Variants in PCDHGA1 observed in about 807,000 individuals in gnomAD.
PCDHGA1 encodes the protein protocadherin gamma subfamily A, 1, also known as protocadherin gamma-A1.
In PCDHGA1, 32 loss-of-function variants were observed where a neutral mutation model predicts 58.0. The observed-to-expected ratio is 0.55, with a 90% CI of 0.42 to 0.74. The LOEUF (loss-of-function observed/expected upper bound fraction) is 0.74. PCDHGA1 is among the 30% of genes least tolerant of loss of function. The probability of loss-of-function intolerance (pLI) is 0.00; values close to 1 mark genes in which losing one functional copy is unlikely to be tolerated. For synonymous variants in PCDHGA1, 498 were observed against 501.1 expected (o/e 0.99, Z 0.08); for missense variants, 1,205 against 1,182.3 (o/e 1.02, Z -0.28).
intron 1 of PCDHGA1, chr5:141,370,538 G>A: frequency 3.1e-6 from 5 of 1,613,906 alleles, no homozygotes; most frequent in Non-Finnish European, 4.2e-6. Context: ...CGCTGGTAGG[G>A]AACCTCGCCA....
At chr5:141,381,785 G>A (rs1349926565) in intron 1 of PCDHGA1, among the ~76,000 whole-genome samples, 1 of 149,782 alleles carries the variant, frequency 6.7e-6, no homozygotes, top group Non-Finnish European at 1.5e-5. Context: ...CAGGAACAAG[G>A]CAAGGCAATT....
chr5:141,403,210 C>T lies in PCDHGA1; in HGVS notation c.2421+70105C>T, dbSNP rs369033480. 123 of 1,613,946 alleles carry T rather than the reference C, an allele frequency of 7.6e-5. No homozygotes were observed. In the Middle Eastern group the frequency reaches 1.2e-3, roughly 15 times the overall value. On this transcript the variant is annotated intron_variant, in intron 1 of 3. Coordinates refer to ENST00000517417, the MANE Select transcript of PCDHGA1 (RefSeq NM_018912.3). Reference sequence around the variant, plus strand: ...ACCCGCGCAGCGGCACCTTGGTCACCGCGGGTAGGATAGACCGGGAGGAGC... The same window carrying T: ...ACCCGCGCAGCGGCACCTTGGTCACTGCGGGTAGGATAGACCGGGAGGAGC...
At chr5:141,416,982 T>C (rs191309825) in intron 1 of PCDHGA1, 25 of 152,264 alleles carry the variant, frequency 1.6e-4, no homozygotes, top group African/African-American at 5.5e-4. Context: ...GAGTCAAAAT[T>C]ATTGTGCATT....
chr5:141,358,113 C>A (rs1434059744), intron 1 of PCDHGA1, among the ~76,000 whole-genome samples: 1 of 152,208 alleles, frequency 6.6e-6, no homozygotes, highest in African/African-American at 2.4e-5. Flanking sequence ...TTGCTTGAAC[C>A]TGGGAGGCAG....
rs766460257 is a variant in PCDHGA1, at chr5:141,398,407, G to A, written c.2421+65302G>A. 4.0e-5 allele frequency: 59 copies of A among 1,474,004 alleles called. No homozygotes were observed. The Middle Eastern group carries it at 1.0e-3, about 26-fold the overall frequency. 91.3% of individuals were successfully genotyped at this position (1,474,004 alleles called of 1,614,324 possible). A position where few individuals can be genotyped will look rare whatever the true frequency, so the allele number is the denominator to read the frequency against. On this transcript the variant is annotated intron_variant, in intron 1 of 3. Transcript: ENST00000517417. ...TGTGAGCAGCAGGCTAGACAGGGAG[G>A]AGATATGCGGGAAGAAGCCAGCTTG...
chr5:141,384,524 T>C, intron 1 of PCDHGA1: 1 of 1,614,208 alleles, frequency 6.2e-7, no homozygotes. Context: ...GACCCGCCTC[T>C]CAGCAGCAAC....
intron 1 of PCDHGA1, chr5:141,388,917 G>C: frequency 6.2e-7 from 1 of 1,614,026 alleles, no homozygotes. Flanking sequence ...CGCCCCAGAA[G>C]TGATATTCCA....
chr5:141,397,876 C>A (rs2093580679), intron 1 of PCDHGA1: 1 of 579,756 alleles, frequency 1.7e-6, no homozygotes, highest in East Asian at 2.9e-5. Flanking sequence ...TGACTCTGGG[C>A]GCCGCTGTTG....
intron 1 of PCDHGA1, chr5:141,427,524 C>T (rs1421119651): frequency 1.6e-6 from 1 of 610,726 alleles, no homozygotes; most frequent in South Asian, 1.5e-5. Flanking sequence ...GGAGCGGATC[C>T]CGGAGTACAA....
intron 1 of PCDHGA1, chr5:141,389,934 G>A (rs746045897): frequency 6.2e-7 from 1 of 1,614,064 alleles, no homozygotes; most frequent in East Asian, 2.2e-5. Flanking sequence ...TGACCTCCAG[G>A]CTGAGCTGCA....
At chr5:141,385,426 T>G (rs1781187652) in intron 1 of PCDHGA1, 1 of 1,460,770 alleles carries the variant, frequency 6.8e-7, no homozygotes. Flanking sequence ...TTAAAAAACT[T>G]TATAGAGGTA....
chr5:141,469,918 G>T (rs2099215604), intron 1 of PCDHGA1, among the ~76,000 whole-genome samples: 2 of 152,148 alleles, frequency 1.3e-5, no homozygotes, highest in African/African-American at 4.8e-5. Context: ...ACCACCCGAG[G>T]TCAGGAGTTT....
chr5:141,359,700 A>T (rs1336602440), intron 1 of PCDHGA1, among the ~76,000 whole-genome samples: 1 of 152,144 alleles, frequency 6.6e-6, no homozygotes, highest in Non-Finnish European at 1.5e-5. Flanking sequence ...CTCCGGAAGG[A>T]TACCTAAGAA....
chr5:141,476,986 C>A lies in PCDHGA1; in HGVS notation c.2422-17821C>A. ...CCTTCGGCAGCCACAACCGCGCCGG[C>A]GTGCGGCAACTATTCGCCTTAGACC... On this transcript the variant is annotated intron_variant, in intron 1 of 3. Transcript: ENST00000517417. The surrounding 1 kb of genome is among the most constrained non-coding windows in gnomAD (Gnocchi z 7.6). 6.2e-7 allele frequency: 1 copy of A among 1,614,218 alleles called. No individual in the cohort carries two copies. The highest frequency in any genetic ancestry group is 8.5e-7 in the Non-Finnish European group (1 of 1,180,042).
At chr5:141,441,663 G>A (rs777315226) in intron 1 of PCDHGA1, 20 of 260,482 alleles carry the variant, frequency 7.7e-5, no homozygotes, top group Non-Finnish European at 1.2e-4. Context: ...GTCCTTGAGC[G>A]CACAGTGCGC....
chr5:141,456,968 A>AAAACAAAC (rs202005606), intron 1 of PCDHGA1, among the ~76,000 whole-genome samples: 1 of 152,282 alleles, frequency 6.6e-6, no homozygotes, highest in Admixed American at 6.5e-5. Flanking sequence ...ATCTCAAAAC[A>AAAACAAAC]AAACAAACAA....
At chr5:141,342,424 T>C (rs1441546556) in intron 1 of PCDHGA1, 1 of 152,234 alleles carries the variant, frequency 6.6e-6, no homozygotes, top group Non-Finnish European at 1.5e-5. Context: ...ACTAATGTTC[T>C]ATGTAACTGG....
chr5:141,401,272 G>A (rs998700154), intron 1 of PCDHGA1, among the ~76,000 whole-genome samples: 1 of 152,172 alleles, frequency 6.6e-6, no homozygotes. Flanking sequence ...AACCTGGCAG[G>A]TGGAGGTTGC....
intron 1 of PCDHGA1, chr5:141,344,380 T>C (rs778980089): frequency 6.2e-7 from 1 of 1,612,874 alleles, no homozygotes; most frequent in African/African-American, 1.3e-5. Context: ...AAATTGAAAA[T>C]TTTTGAAGTA....
Sources: gnomAD v4.1 joint callset for allele counts (sites outside exome capture counted in the v4.1 genomes callset) on GRCh38, gnomAD v4.1.1 for gene constraint, Gnocchi (gnomAD v3.1) non-coding constraint, MANE v1.5 for transcripts, NCBI Gene and HGNC (gene_info 2026-07-23, HGNC 2026-07-21) for gene names.